Variants in EXOC2 observed in about 807,000 individuals in gnomAD.
EXOC2 encodes the protein exocyst complex component 2.
In EXOC2, 70 loss-of-function variants were observed where a neutral mutation model predicts 131.8. That is an observed-to-expected ratio of 0.53 (90% confidence interval 0.44 to 0.65). The LOEUF is 0.65. EXOC2 is among the 30% of genes least tolerant of loss of function. EXOC2 has a pLI of 0.00. For missense variants in EXOC2, 923 were observed against 1,108.6 expected, an observed-to-expected ratio of 0.83 and a Z score of 2.38; for synonymous variants, 411 against 398.4, an observed-to-expected ratio of 1.03 and a Z score of -0.38.
At chr6:591,263 A>G (rs1306597260) in intron 11 of EXOC2, among the ~76,000 whole-genome samples, 2 of 151,826 alleles carry the variant, frequency 1.3e-5, no homozygotes, top group Admixed American at 6.6e-5. Flanking sequence ...TCTTCCCCCA[A>G]TCCATTGACC....
intron 17 of EXOC2, among the ~76,000 whole-genome samples, chr6:560,388 G>C (rs954286029): frequency 4.6e-5 from 7 of 152,176 alleles, no homozygotes; most frequent in African/African-American, 1.7e-4. Flanking sequence ...TGTCCGATAG[G>C]TGTATAATGT....
At chr6:512,139 C>T (rs1166018034) in intron 23 of EXOC2, among the ~76,000 whole-genome samples, 1 of 152,264 alleles carries the variant, frequency 6.6e-6, no homozygotes, top group Non-Finnish European at 1.5e-5. Flanking sequence ...GCCACCAGGC[C>T]ATGGTCCTTG....
intron 1 of EXOC2, among the ~76,000 whole-genome samples, chr6:641,312 C>G (rs183181071): frequency 6.6e-6 from 1 of 152,150 alleles, no homozygotes; most frequent in African/African-American, 2.4e-5. Flanking sequence ...GACCTCTGTC[C>G]CTGGTTTCTG....
intron 6 of EXOC2, 109 bp from the exon 7 acceptor site, chr6:610,287 T>C: frequency 1.0e-6 from 1 of 978,018 alleles, no homozygotes; most frequent in Non-Finnish European, 1.5e-6. Flanking sequence ...TTATTTTCAC[T>C]GCTGAAAAGC....
At chr6:646,549 C>T (rs1762586968) in intron 1 of EXOC2, among the ~76,000 whole-genome samples, 1 of 152,208 alleles carries the variant, frequency 6.6e-6, no homozygotes, top group South Asian at 2.1e-4. Context: ...AACACAAACA[C>T]ATCCCATTAA....
At chr6:499,820 C>T in intron 23 of EXOC2, 120 bp from the exon 24 acceptor site, 1 of 708,346 alleles carries the variant, frequency 1.4e-6, no homozygotes, top group Non-Finnish European at 2.5e-6. Flanking sequence ...AGTAACACCA[C>T]CACTATTTCC....
intron 11 of EXOC2, among the ~76,000 whole-genome samples, chr6:587,347 C>T (rs568709412): frequency 6.6e-6 from 1 of 152,072 alleles, no homozygotes; most frequent in Admixed American, 6.5e-5. Context: ...CAGGTTCCTG[C>T]CATTCTCCTG....
At chr6:574,135 G>A (rs1251648788) in intron 12 of EXOC2, among the ~76,000 whole-genome samples, 2 of 152,122 alleles carry the variant, frequency 1.3e-5, no homozygotes, top group Admixed American at 1.3e-4. Context: ...CCTTCCAATG[G>A]ACAAGACTGT....
In EXOC2 at chr6:539,325, C is replaced by T. The variant is rs548045616; in HGVS notation, c.2239-6715G>A. ...ATTCTGGTGTAATGGACAATACTCC[C>T]AATAAGCCAGCGCCCTGCCACCTTA... is the stretch of plus-strand genomic sequence containing the variant. On this transcript the variant is annotated intron_variant, in intron 22 of 27. Transcript: ENST00000230449. Among the ~76,000 whole-genome samples, 57 of 152,342 alleles carry T rather than the reference C, an allele frequency of 3.7e-4. 2 individuals carry two copies. The South Asian group carries it at 0.012, about 31-fold the overall frequency.
At chr6:565,234 TG>T (rs368210096) in intron 13 of EXOC2, among the ~76,000 whole-genome samples, 50 of 152,374 alleles carry the variant, frequency 3.3e-4, no homozygotes, top group African/African-American at 1.1e-3. Context: ...CGATGTCGTA[TG>T]GTTAAACCAT....
intron 25 of EXOC2, among the ~76,000 whole-genome samples, chr6:495,229 C>T (rs775118828): frequency 1.1e-4 from 17 of 151,580 alleles, no homozygotes; most frequent in Non-Finnish European, 2.4e-4. Context: ...GGGTTCACGC[C>T]ATTCTCCTGC....
chr6:551,132 G>T (rs906111454), intron 21 of EXOC2, among the ~76,000 whole-genome samples: 1 of 152,206 alleles, frequency 6.6e-6, no homozygotes, highest in Non-Finnish European at 1.5e-5. Flanking sequence ...GGAGACGCAC[G>T]TTTGAAAACA....
intron 16 of EXOC2, 51 bp from the exon 17 acceptor site, chr6:562,896 T>C: frequency 7.6e-7 from 1 of 1,320,706 alleles, no homozygotes; most frequent in Non-Finnish European, 1.0e-6. Flanking sequence ...CTCACTAAAT[T>C]TTATACAGAT....
intron 27 of EXOC2, among the ~76,000 whole-genome samples, chr6:488,202 C>T (rs576731315): frequency 1.3e-5 from 2 of 152,334 alleles, no homozygotes; most frequent in South Asian, 4.2e-4. Context: ...TGACAGCTCC[C>T]CCCCATGGCC....
At chr6:654,079 A>C (rs1418173091) in intron 1 of EXOC2, among the ~76,000 whole-genome samples, 1 of 152,210 alleles carries the variant, frequency 6.6e-6, no homozygotes, top group African/African-American at 2.4e-5. Flanking sequence ...AGAAAAAAAG[A>C]TTTCTTTCAG....
chr6:518,980 G>A (rs949458984), intron 23 of EXOC2, among the ~76,000 whole-genome samples: 1 of 152,174 alleles, frequency 6.6e-6, no homozygotes, highest in African/African-American at 2.4e-5. Context: ...ACTGGTATCC[G>A]TTTTGATCAA....
intron 1 of EXOC2, among the ~76,000 whole-genome samples, chr6:641,956 T>C (rs1762373345): frequency 6.6e-6 from 1 of 152,168 alleles, no homozygotes; most frequent in Admixed American, 6.5e-5. Flanking sequence ...TCCACTGTTT[T>C]GTGGTCTGCA....
At chr6:647,042 A>G (rs1259233388) in intron 1 of EXOC2, among the ~76,000 whole-genome samples, 1 of 152,238 alleles carries the variant, frequency 6.6e-6, no homozygotes, top group Non-Finnish European at 1.5e-5. Context: ...TAATGCTTAC[A>G]AACCAATTTG....
At chr6:530,580 C>G (rs1022153219) in intron 23 of EXOC2, among the ~76,000 whole-genome samples, 5 of 152,196 alleles carry the variant, frequency 3.3e-5, no homozygotes, top group Non-Finnish European at 7.3e-5. Context: ...ACACAGGGCC[C>G]GGAAGGGCAG....
Sources: gnomAD v4.1 joint callset for allele counts (sites outside exome capture counted in the v4.1 genomes callset) on GRCh38, gnomAD v4.1.1 for gene constraint, MANE v1.5 for transcripts, NCBI Gene and HGNC (gene_info 2026-07-23, HGNC 2026-07-21) for gene names.